GREB1L: variants seen among roughly 807,000 people sequenced by gnomAD.
The protein encoded by GREB1L is GREB1 like retinoic acid receptor coactivator.
GREB1L carries 17 observed loss-of-function variants against 200.8 expected under a neutral mutation model. That is an observed-to-expected ratio of 0.08 (90% CI 0.06 to 0.13). The LOEUF (loss-of-function observed/expected upper bound fraction) is 0.13. Among genes scored for constraint, GREB1L ranks in the 10% least tolerant of loss-of-function variants. The pLI, the probability that GREB1L is intolerant of heterozygous loss-of-function variation, is 1.00. For missense variants in GREB1L, 1,657 were observed against 2,367.7 expected, an observed-to-expected ratio of 0.70 and a Z score of 6.23; for synonymous variants, 789 against 893.0, an observed-to-expected ratio of 0.88 and a Z score of 2.08.
chr18:21,425,714 A>G (rs1029783241), intron 7 of GREB1L, among the ~76,000 whole-genome samples: 1 of 152,138 alleles, frequency 6.6e-6, no homozygotes, highest in Admixed American at 6.5e-5. Context: ...ATACAAATCA[A>G]TTTTCAATTT....
At chr18:21,458,559 A>T (rs2034885614) in intron 15 of GREB1L, among the ~76,000 whole-genome samples, 1 of 152,246 alleles carries the variant, frequency 6.6e-6, no homozygotes, top group Non-Finnish European at 1.5e-5. Context: ...TGAAAGTAAA[A>T]GGATGAAAAT....
chr18:21,469,625 A>G (rs192763918), intron 15 of GREB1L, among the ~76,000 whole-genome samples: 70 of 152,266 alleles, frequency 4.6e-4, no homozygotes, highest in Middle Eastern at 3.4e-3. Flanking sequence ...GCCTAAGTCC[A>G]CTCAGCAGAC....
At chr18:21,351,776 C>G (rs571339771) in intron 1 of GREB1L, among the ~76,000 whole-genome samples, 2 of 152,300 alleles carry the variant, frequency 1.3e-5, no homozygotes, top group South Asian at 4.1e-4. Context: ...CAGTTTCAGA[C>G]TACTTCCTGT....
Position 21,515,553 on chromosome 18 carries a change from A to G in GREB1L, c.5038A>G (p.Ser1680Gly). 2 of 1,551,686 alleles carry G rather than the reference A, an allele frequency of 1.3e-6. No individual in the cohort carries two copies. The highest frequency in any genetic ancestry group is 1.7e-6 in the Non-Finnish European group (2 of 1,146,960). Residue 1680 changes from serine to glycine, a missense_variant, in exon 29 of 33, where the codon AGC becomes GGC. By Grantham distance (56) the Ser-to-Gly change is moderately conservative. Coordinates refer to ENST00000424526, the MANE Select transcript of GREB1L (RefSeq NM_001142966.3). Reference protein sequence around the residue: ...QKWSSKLTSQSLKAPFSRCHV... With the variant: ...QKWSSKLTSQGLKAPFSRCHV... ...ATGGAGCAGCAAGCTGACTTCTCAG[A>G]GCCTAAAGGCCCCATTCTCTAGGTG...
intron 10 of GREB1L, among the ~76,000 whole-genome samples, chr18:21,443,966 C>T (rs1044823940): frequency 3.3e-5 from 5 of 152,224 alleles, no homozygotes; most frequent in East Asian, 1.9e-4. Context: ...TTTCAGTCCA[C>T]GGTTGATTGA....
intron 7 of GREB1L, among the ~76,000 whole-genome samples, chr18:21,432,047 C>G (rs1248358517): frequency 6.6e-6 from 1 of 151,382 alleles, no homozygotes; most frequent in South Asian, 2.1e-4. Flanking sequence ...CTCAGCATCC[C>G]GAGTAGCTGG....
chr18:21,280,034 C>A (rs1310633141), intron 1 of GREB1L, among the ~76,000 whole-genome samples: 1 of 152,184 alleles, frequency 6.6e-6, no homozygotes, highest in Non-Finnish European at 1.5e-5. Flanking sequence ...AATATTTACA[C>A]ATTATTAACT....
intron 1 of GREB1L, among the ~76,000 whole-genome samples, chr18:21,246,292 A>G (rs2037600863): frequency 6.6e-6 from 1 of 152,226 alleles, no homozygotes; most frequent in Non-Finnish European, 1.5e-5. Context: ...GCAATAACAC[A>G]TGAAACACAT....
At chr18:21,315,515 T>G (rs2038854052) in intron 1 of GREB1L, among the ~76,000 whole-genome samples, 1 of 152,160 alleles carries the variant, frequency 6.6e-6, no homozygotes, top group African/African-American at 2.4e-5. Flanking sequence ...TCAACACATA[T>G]CATTTTAAAT....
At position 21,325,624 on chromosome 18, in the gene GREB1L, G is replaced by C. The variant is rs180937156; in HGVS notation, c.-119-40403G>C. ...GGGCCCAGGAGTTTGAGACAAACCT[G>C]GGCAACAGAGGGAGACCCCATCTCT... On this transcript the variant is annotated intron_variant, in intron 1 of 32. Transcript: ENST00000424526. 1.8e-4 allele frequency among the ~76,000 whole-genome samples: 27 copies of C among 151,868 alleles called. No homozygotes were observed. In the East Asian group the frequency reaches 2.1e-3, roughly 12 times the overall value.
chr18:21,366,936 G>A (rs185043078), intron 2 of GREB1L, among the ~76,000 whole-genome samples: 1 of 152,264 alleles, frequency 6.6e-6, no homozygotes, highest in Admixed American at 6.5e-5. Flanking sequence ...TTTGGGCCTG[G>A]AACATCTGGA....
In GREB1L at chr18:21,495,706, C is replaced by G. The variant is rs2036518320; in HGVS notation, c.3067C>G (p.Arg1023Gly). 6.5e-7 allele frequency: 1 copy of G among 1,544,420 alleles called. No homozygotes were observed. Among genetic ancestry groups the G allele is most frequent in the South Asian group, 1.2e-5 (1 of 83,576 alleles). ...AAATGAACCAGAAGAGTGGATCCCT[C>G]GGACATACCAAGATTTAGACGGTCT... is the stretch of plus-strand genomic sequence containing the variant. ...RGNEPEEWIP[R>G]TYQDLDGLPC... The change falls in exon 20 of 33, where the codon CGG becomes GGG. Residue 1023 changes from arginine to glycine, a missense_variant. Around this residue, in one of 9 missense-constraint regions of GREB1L, gnomAD observed 512 missense variants for 668.3 expected, o/e 0.77. Coordinates refer to ENST00000424526, the MANE Select transcript of GREB1L (RefSeq NM_001142966.3).
At chr18:21,440,451 T>C (rs2033835663) in intron 9 of GREB1L, 63 bp downstream of exon 9, 1 of 1,423,760 alleles carries the variant, frequency 7.0e-7, no homozygotes, top group South Asian at 1.3e-5. Context: ...ATCTTCTACT[T>C]CCATTCTTTC....
At chr18:21,505,313 C>T in intron 23 of GREB1L, 99 bp from the exon 24 acceptor site, 1 of 1,102,198 alleles carries the variant, frequency 9.1e-7, no homozygotes, top group Non-Finnish European at 1.3e-6. Context: ...TGCCTTTGTC[C>T]ACCCATCTGG....
rs537212267 is a variant in GREB1L, at chr18:21,349,115, G to A, written c.-119-16912G>A. On this transcript the variant is annotated intron_variant, in intron 1 of 32. Transcript: ENST00000424526. The stretch of plus-strand genomic sequence containing the variant: ...CTGTTCCTTCCACCCCTGATTATGT[G>A]CAAGCTCCATCACCTCTTCCTAGAC... Among the ~76,000 whole-genome samples the A allele has an allele frequency of 4.6e-5, 7 of 152,284 alleles. No homozygotes were observed. In the South Asian group the frequency reaches 1.5e-3, roughly 32 times the overall value.
At chr18:21,340,139 C>T (rs1201483826) in intron 1 of GREB1L, among the ~76,000 whole-genome samples, 4 of 152,142 alleles carry the variant, frequency 2.6e-5, no homozygotes, top group Non-Finnish European at 2.9e-5. Flanking sequence ...ACATTGGGGC[C>T]GGGTGTGGTG....
chr18:21,257,268 G>A (rs904611366), intron 1 of GREB1L, among the ~76,000 whole-genome samples: 6 of 151,972 alleles, frequency 3.9e-5, no homozygotes, highest in African/African-American at 1.2e-4. Flanking sequence ...GTGCCCAGCC[G>A]CAATTAAAAC....
chr18:21,525,192 A>ATTG lies in GREB1L; in HGVS notation c.*2374_*2376dup. 1 of 152,166 alleles carries ATTG rather than the reference A, an allele frequency of 6.6e-6. No individual in the cohort carries two copies. The highest frequency in any genetic ancestry group is 2.1e-4 in the South Asian group (1 of 4,824). 9.4% of individuals were successfully genotyped at this position (152,166 alleles called of 1,614,324 possible). ...AATGTAAACGAAAAACTAGAAGACA[A>ATTG]TTGTTATAATTTTTTTTGGCTGTAA... is the stretch of plus-strand genomic sequence containing the variant. On this transcript the variant is annotated 3_prime_UTR_variant, in exon 33 of 33. Coordinates refer to ENST00000424526, the MANE Select transcript of GREB1L (RefSeq NM_001142966.3).
At chr18:21,391,975 A>T (rs893966865) in intron 4 of GREB1L, among the ~76,000 whole-genome samples, 16 of 152,036 alleles carry the variant, frequency 1.1e-4, no homozygotes, top group African/African-American at 3.1e-4. Flanking sequence ...ACCCCCAGCT[A>T]ATGTTTGTAT....
Sources: gnomAD v4.1 joint callset for allele counts (sites outside exome capture counted in the v4.1 genomes callset) on GRCh38, gnomAD v4.1.1 for gene constraint, gnomAD v4.1.1 regional missense constraint, MANE v1.5 for transcripts, NCBI Gene and HGNC (gene_info 2026-07-23, HGNC 2026-07-21) for gene names.